The following TAOK1 variants were observed in gnomAD, a reference collection of about 807,000 sequenced individuals.
The protein encoded by TAOK1 is serine/threonine-protein kinase TAO1.
Under a neutral mutation model 138.3 loss-of-function variants are expected in TAOK1, and 21 were observed. The observed-to-expected ratio is 0.15, with a 90% CI of 0.11 to 0.22. TAOK1 has a LOEUF of 0.22. TAOK1 is among the 10% of genes least tolerant of loss of function. TAOK1 has a pLI of 1.00. For missense variants in TAOK1, 651 were observed against 1,227.7 expected, an observed-to-expected ratio of 0.53 and a Z score of 7.02; for synonymous variants, 361 against 398.4, an observed-to-expected ratio of 0.91 and a Z score of 1.12.
At chr17:29,416,671 T>C (rs532915709) in intron 1 of TAOK1, among the ~76,000 whole-genome samples, 1 of 152,188 alleles carries the variant, frequency 6.6e-6, no homozygotes, top group Non-Finnish European at 1.5e-5. Flanking sequence ...TTTTAAAACT[T>C]TGCTGAGTAA....
intron 2 of TAOK1, among the ~76,000 whole-genome samples, chr17:29,465,894 A>G (rs1348962768): frequency 7.7e-6 from 1 of 130,378 alleles, no homozygotes; most frequent in Non-Finnish European, 1.5e-5. Context: ...TTAAATAATC[A>G]TCATGACAGC....
At chr17:29,436,415 T>G (rs1706918820) in intron 1 of TAOK1, among the ~76,000 whole-genome samples, 1 of 152,248 alleles carries the variant, frequency 6.6e-6, no homozygotes, top group Non-Finnish European at 1.5e-5. Context: ...AACTCTTGTT[T>G]TGCTTGATAT....
chr17:29,424,384 C>G (rs1188161581), intron 1 of TAOK1, among the ~76,000 whole-genome samples: 2 of 148,480 alleles, frequency 1.3e-5, no homozygotes, highest in Non-Finnish European at 3.0e-5. Flanking sequence ...TTGGAGTGAC[C>G]CAAGATCCCG....
chr17:29,529,802 G>A (rs1174513982), intron 17 of TAOK1, among the ~76,000 whole-genome samples: 10 of 151,918 alleles, frequency 6.6e-5, no homozygotes, highest in South Asian at 4.2e-4. Context: ...GGGAGGCGGC[G>A]GTTGCAGTGA....
chr17:29,405,672 G>C (rs1456333336), intron 1 of TAOK1, among the ~76,000 whole-genome samples: 1 of 151,984 alleles, frequency 6.6e-6, no homozygotes, highest in African/African-American at 2.4e-5. Flanking sequence ...CCAGCTACTC[G>C]GGAGGCAGAG....
chr17:29,407,494 G>A (rs2153020630), intron 1 of TAOK1, among the ~76,000 whole-genome samples: 1 of 152,048 alleles, frequency 6.6e-6, no homozygotes, highest in South Asian at 2.1e-4. Flanking sequence ...CACCCAGGCT[G>A]GAGTGCAGGG....
At chr17:29,407,003 T>C (rs1008816101) in intron 1 of TAOK1, among the ~76,000 whole-genome samples, 5 of 152,226 alleles carry the variant, frequency 3.3e-5, no homozygotes, top group Non-Finnish European at 7.3e-5. Flanking sequence ...AGAACATTCC[T>C]AGTACCTCTT....
In TAOK1 at chr17:29,535,653, A is replaced by C. The variant is rs1598528728; in HGVS notation, c.2544+1353A>C. Among the ~76,000 whole-genome samples, 3 of 152,166 alleles carry C rather than the reference A, an allele frequency of 2.0e-5. No individual in the cohort carries two copies. The East Asian group carries it at 5.8e-4, about 29-fold the overall frequency. The stretch of plus-strand genomic sequence containing the variant: ...CAGATCGCTTGAGCTCAGGAGTTCA[A>C]GACCAGCCTGGGCAACATGGCAAAA... On this transcript the variant is annotated intron_variant, in intron 19 of 19. Coordinates refer to ENST00000261716, the MANE Select transcript of TAOK1 (RefSeq NM_020791.4).
Position 29,489,684 on chromosome 17 carries a change from T to C in TAOK1, c.676T>C (p.Phe226Leu). The change falls in exon 9 of 20, where the codon TTT becomes CTT. Residue 226 changes from phenylalanine (F) to leucine (L), a missense_variant. By Grantham distance (22) the Phe-to-Leu change is conservative. Coordinates refer to ENST00000261716, the MANE Select transcript of TAOK1 (RefSeq NM_020791.4). ...TACAGCGGAAAGGAAGCCTCCTTTA[T>C]TTAATATGAATGCAATGAGTGCCTT... is the stretch of plus-strand genomic sequence containing the variant. ...IELAERKPPL[F>L]NMNAMSALYH... 6.2e-7 allele frequency: 1 copy of C among 1,610,082 alleles called. No homozygotes were observed. The highest frequency in any genetic ancestry group is 1.1e-5 in the South Asian group (1 of 90,244).
intron 13 of TAOK1, among the ~76,000 whole-genome samples, chr17:29,504,188 G>T (rs2031582988): frequency 7.1e-6 from 1 of 141,328 alleles, no homozygotes; most frequent in African/African-American, 2.6e-5. Context: ...GAGTCAGGAG[G>T]ATTGACTGAG....
In TAOK1 at chr17:29,517,572, A is replaced by G. The variant is rs778702050; in HGVS notation, c.1824A>G (p.Arg608=). The change falls in exon 16 of 20, where the codon AGA becomes AGG. Residue 608 remains arginine, a synonymous_variant. Transcript: ENST00000261716. ...AAGCTAACCTTCTTCGACGTCAAAG[A>G]CAATACCTAGAGCTGGAATGCCGTC... ...EEEANLLRRQ[R]QYLELECRRF... 2.5e-6 allele frequency: 4 copies of G among 1,614,020 alleles called. No individual in the cohort carries two copies. Among genetic ancestry groups the G allele is most frequent in the Non-Finnish European group, 3.4e-6 (4 of 1,180,008 alleles).
At chr17:29,397,120 C>T (rs1352918363) in intron 1 of TAOK1, among the ~76,000 whole-genome samples, 2 of 148,540 alleles carry the variant, frequency 1.3e-5, no homozygotes, top group Admixed American at 6.8e-5. Flanking sequence ...CGTGGCGAAA[C>T]CTCGTCTCTA....
intron 7 of TAOK1, 106 bp from the exon 8 acceptor site, chr17:29,482,091 G>A: frequency 1.3e-6 from 1 of 753,234 alleles, no homozygotes; most frequent in Non-Finnish European, 2.2e-6. Flanking sequence ...CAGATATATT[G>A]GCTAGAATTC....
chr17:29,447,955 C>CTTTTTTT (rs56163080), intron 1 of TAOK1, among the ~76,000 whole-genome samples: 16 of 93,228 alleles, frequency 1.7e-4, no homozygotes, highest in Non-Finnish European at 2.5e-4. Context: ...TGCACCTGGT[C>CTTTTTTT]TTTTTTTTTT....
chr17:29,480,309 G>T, intron 6 of TAOK1, 59 bp from the exon 7 acceptor site: 32 of 1,236,338 alleles, frequency 2.6e-5, no homozygotes, highest in South Asian at 5.9e-5. Context: ...TATTTTTATC[G>T]TTTTAAACAT....
chr17:29,522,270 T>A lies in TAOK1; in HGVS notation c.1909-10T>A, dbSNP rs576733212. On this transcript the variant is annotated splice_polypyrimidine_tract_variant and intron_variant, in intron 16 of 19. Transcript: ENST00000261716. ...TAAGTTATACCTTTGTCTTTTGTGT[T>A]ATGGATTAGGAGTTAAACAAAAGAC... 1.2e-5 allele frequency: 20 copies of A among 1,613,186 alleles called. No homozygotes were observed. The East Asian group carries it at 1.6e-4, about 13-fold the overall frequency.
intron 19 of TAOK1, among the ~76,000 whole-genome samples, chr17:29,540,759 G>A (rs556691867): frequency 3.3e-5 from 5 of 152,100 alleles, no homozygotes; most frequent in South Asian, 2.1e-4. Context: ...TACTAGAGAC[G>A]GGGTTTCTCC....
At chr17:29,505,697 C>A (rs188787968) in intron 13 of TAOK1, among the ~76,000 whole-genome samples, 1 of 150,996 alleles carries the variant, frequency 6.6e-6, no homozygotes, top group East Asian at 1.9e-4. Flanking sequence ...AGCAAGACTT[C>A]GTCTCAAAAA....
At chr17:29,419,831 T>A (rs1449697239) in intron 1 of TAOK1, among the ~76,000 whole-genome samples, 1 of 152,016 alleles carries the variant, frequency 6.6e-6, no homozygotes, top group Non-Finnish European at 1.5e-5. Flanking sequence ...ATCTCCCCCC[T>A]CCACCAAATT....
Sources: gnomAD v4.1 joint callset for allele counts (sites outside exome capture counted in the v4.1 genomes callset) on GRCh38, gnomAD v4.1.1 for gene constraint, MANE v1.5 for transcripts, NCBI Gene and HGNC (gene_info 2026-07-23, HGNC 2026-07-21) for gene names.